Variants in TASP1 observed in about 807,000 individuals in gnomAD.
TASP1 encodes taspase 1, also known as threonine aspartase 1.
TASP1 carries 16 observed loss-of-function variants against 56.6 expected under a neutral mutation model. The ratio of observed to expected loss-of-function variants is 0.28; its 90% CI spans 0.19 to 0.43. The LOEUF (loss-of-function observed/expected upper bound fraction) is 0.43. Ranked by LOEUF, TASP1 falls within the 20% of genes least tolerant of loss-of-function variation. The pLI, the probability that TASP1 is intolerant of heterozygous loss-of-function variation, is 1.00. For missense variants in TASP1, 393 were observed against 511.6 expected, an observed-to-expected ratio of 0.77 and a Z score of 2.24; for synonymous variants, 179 against 184.2, an observed-to-expected ratio of 0.97 and a Z score of 0.23.
intron 10 of TASP1, among the ~76,000 whole-genome samples, chr20:13,495,741 T>C (rs1476665291): frequency 6.6e-6 from 1 of 152,188 alleles, no homozygotes; most frequent in Non-Finnish European, 1.5e-5. Flanking sequence ...AAGAAGGAAC[T>C]ACATCAACTT....
At chr20:13,514,768 A>C (rs957936929) in intron 10 of TASP1, among the ~76,000 whole-genome samples, 4 of 152,188 alleles carry the variant, frequency 2.6e-5, no homozygotes, top group African/African-American at 7.2e-5. Context: ...ACAACATACA[A>C]ATAAGTGTAC....
At chr20:13,321,443 G>A in the TASP1 span, among the ~76,000 whole-genome samples, 3 of 152,148 alleles carry the variant, frequency 2.0e-5, no homozygotes, top group Admixed American at 6.5e-5. Flanking sequence ...GGGGATTGTC[G>A]CTTGGATCCA....
chr20:13,174,997 C>T, the TASP1 span, among the ~76,000 whole-genome samples: 5 of 152,068 alleles, frequency 3.3e-5, no homozygotes, highest in African/African-American at 1.2e-4. Context: ...TGCCTGCCGC[C>T]GTGTAATATG....
At chr20:13,535,240 G>A (rs1040458901) in intron 8 of TASP1, among the ~76,000 whole-genome samples, 1 of 152,060 alleles carries the variant, frequency 6.6e-6, no homozygotes, top group Non-Finnish European at 1.5e-5. Flanking sequence ...ATGAGCTCCC[G>A]GGCCCATCTC....
chr20:13,320,064 G>A, the TASP1 span, among the ~76,000 whole-genome samples: 1 of 152,168 alleles, frequency 6.6e-6, no homozygotes, highest in Non-Finnish European at 1.5e-5. Context: ...CAGAAACTGG[G>A]GTACACCAGG....
chr20:13,554,743 T>TA (rs34573832), intron 8 of TASP1, among the ~76,000 whole-genome samples: 14,145 of 152,152 alleles, frequency 0.093, 712 homozygotes, highest in Admixed American at 0.16. Context: ...GCATTATGTT[T>TA]AAAAAAATAT....
chr20:13,243,732 C>A, the TASP1 span, among the ~76,000 whole-genome samples: 1 of 152,164 alleles, frequency 6.6e-6, no homozygotes, highest in Non-Finnish European at 1.5e-5. Flanking sequence ...CTATATCCAT[C>A]ACCGTTAAGC....
chr20:13,467,455 T>A (rs1209224690), intron 11 of TASP1, among the ~76,000 whole-genome samples: 7 of 152,136 alleles, frequency 4.6e-5, no homozygotes, highest in Admixed American at 4.6e-4. Context: ...CAAATTATTT[T>A]GTTTAAAGTG....
chr20:13,450,870 G>A (rs2043592392), intron 11 of TASP1, among the ~76,000 whole-genome samples: 1 of 152,084 alleles, frequency 6.6e-6, no homozygotes, highest in Non-Finnish European at 1.5e-5. Context: ...AAATCCTGAT[G>A]GAGAAGGTTT....
chr20:13,360,447 A>C, the TASP1 span, among the ~76,000 whole-genome samples: 22 of 150,804 alleles, frequency 1.5e-4, no homozygotes, highest in African/African-American at 3.0e-4. Flanking sequence ...TCTCAAACCC[A>C]AGCACCTTCT....
the TASP1 span, among the ~76,000 whole-genome samples, chr20:13,212,674 G>A: frequency 6.6e-6 from 1 of 152,060 alleles, no homozygotes; most frequent in Non-Finnish European, 1.5e-5. Flanking sequence ...AAAAGTTGAT[G>A]GTTATTTACT....
the TASP1 span, among the ~76,000 whole-genome samples, chr20:13,351,307 C>G: frequency 2.0e-5 from 3 of 152,106 alleles, no homozygotes; most frequent in Non-Finnish European, 4.4e-5. Flanking sequence ...ACCATATGAC[C>G]CAAAAACCCC....
the TASP1 span, chr20:13,164,643 C>A: frequency 3.9e-6 from 3 of 766,878 alleles, no homozygotes; most frequent in Non-Finnish European, 6.4e-6. Flanking sequence ...ATCAAAGAAG[C>A]TAGCAAACTA....
the TASP1 span, among the ~76,000 whole-genome samples, chr20:13,189,844 T>G: frequency 1.3e-5 from 2 of 152,158 alleles, no homozygotes; most frequent in Non-Finnish European, 2.9e-5. Flanking sequence ...AAAAGATACC[T>G]GCACTCACAT....
chr20:13,466,136 C>T (rs1437170091), intron 11 of TASP1, among the ~76,000 whole-genome samples: 7 of 152,014 alleles, frequency 4.6e-5, no homozygotes, highest in Non-Finnish European at 2.9e-5. Context: ...ATATAGATTT[C>T]TCCATATTAT....
intron 13 of TASP1, among the ~76,000 whole-genome samples, chr20:13,407,936 G>GT (rs1287694645): frequency 6.6e-6 from 1 of 151,990 alleles, no homozygotes. Flanking sequence ...TTGTTCAGTT[G>GT]TAAGAGTTCT....
rs1427603415 is a variant in TASP1 at position 13,632,343 on chromosome 20, C to A, written c.-74-2191G>T. Among the ~76,000 whole-genome samples, 11 of 141,188 alleles carry A rather than the reference C, an allele frequency of 7.8e-5. No individual in the cohort carries two copies. The Admixed American group carries it at 8.1e-4, about 10-fold the overall frequency. The allele number at this position is 141,188 out of a possible 152,430, so 92.6% of individuals were successfully genotyped here. ...TCACGCCACTGCACTCCGGCCTGGG[C>A]TACAGAGCAAGACTCCATCTCAAAA... On this transcript the variant is annotated intron_variant, in intron 1 of 13. Coordinates refer to ENST00000337743, the MANE Select transcript of TASP1 (RefSeq NM_017714.3).
chr20:13,520,912 C>G (rs11905286), intron 10 of TASP1, among the ~76,000 whole-genome samples: 1,576 of 152,108 alleles, frequency 0.01, 33 homozygotes, highest in African/African-American at 0.036. Context: ...ACAATGAACT[C>G]CAACAAATTT....
chr20:13,221,673 G>C, the TASP1 span: 4 of 1,029,118 alleles, frequency 3.9e-6, no homozygotes, highest in African/African-American at 1.7e-5. Context: ...GCCGAGGCGG[G>C]AGCCGCGCTG....
Sources: allele counts gnomAD v4.1 joint callset (sites outside exome capture counted in the v4.1 genomes callset), GRCh38; gene constraint gnomAD v4.1.1; transcripts MANE v1.5; gene names NCBI Gene and HGNC (gene_info 2026-07-23, HGNC 2026-07-21).